Variants in ZNF718 observed in about 807,000 individuals in gnomAD.
ZNF718 encodes zinc finger protein 718.
In ZNF718, 3 loss-of-function variants were observed where a neutral mutation model predicts 2.6. The ratio of observed to expected loss-of-function variants is 1.16; its 90% CI spans 0.53 to 3.01. The LOEUF is 3.01. Ranked by LOEUF, ZNF718 falls within the 30% of genes most tolerant of loss-of-function variation. ZNF718 has a pLI of 0.03. For missense variants in ZNF718, 468 were observed against 230.0 expected, an observed-to-expected ratio of 2.03 and a Z score of -6.69; for synonymous variants, 135 against 77.9, an observed-to-expected ratio of 1.73 and a Z score of -3.86.
chr4:196,327 G>A (rs1055948931), intron 3 of ZNF718, among the ~76,000 whole-genome samples: 1 of 152,190 alleles, frequency 6.6e-6, no homozygotes, highest in African/African-American at 2.4e-5. Flanking sequence ...CATGTCAAGA[G>A]CTGTATGCCT....
chr4:168,730 G>T (rs1342755570), downstream of ZNF718, among the ~76,000 whole-genome samples: 1 of 151,844 alleles, frequency 6.6e-6, no homozygotes, highest in Non-Finnish European at 1.5e-5. Context: ...GCATCTATTT[G>T]ATTCTTCTCT....
intron 3 of ZNF718, among the ~76,000 whole-genome samples, chr4:176,486 T>C (rs1434041863): frequency 6.6e-6 from 1 of 152,202 alleles, no homozygotes; most frequent in East Asian, 1.9e-4. Flanking sequence ...GTGGGTGCTC[T>C]TGACCCAGCA....
intron 3 of ZNF718, among the ~76,000 whole-genome samples, chr4:170,966 T>C (rs1553817853): frequency 6.6e-6 from 1 of 152,130 alleles, no homozygotes. Flanking sequence ...TTTTCCCCCA[T>C]CTTTGTGGTT....
chr4:171,254 C>T (rs1204171707), intron 3 of ZNF718, among the ~76,000 whole-genome samples: 2 of 152,170 alleles, frequency 1.3e-5, no homozygotes, highest in Non-Finnish European at 2.9e-5. Flanking sequence ...TCTACCCCTA[C>T]TGGGGGATGC....
intron 3 of ZNF718, among the ~76,000 whole-genome samples, chr4:157,914 C>T (rs1327041677): frequency 6.6e-6 from 1 of 152,122 alleles, no homozygotes; most frequent in African/African-American, 2.4e-5. Flanking sequence ...TTATTCATTA[C>T]AGAAATTGGG....
downstream of ZNF718, among the ~76,000 whole-genome samples, chr4:167,383 G>GA (rs1190534173): frequency 2.6e-5 from 4 of 152,086 alleles, no homozygotes; most frequent in African/African-American, 9.7e-5. Flanking sequence ...CCAATTCTGT[G>GA]AAAAAAGTCA....
chr4:169,365 G>A (rs1301445936), intron 3 of ZNF718, among the ~76,000 whole-genome samples: 1 of 152,112 alleles, frequency 6.6e-6, no homozygotes. Context: ...TGTCTATTAG[G>A]TCTGCTTGGT....
intron 3 of ZNF718, among the ~76,000 whole-genome samples, chr4:170,933 A>G (rs1295641249): frequency 6.6e-6 from 1 of 151,834 alleles, no homozygotes; most frequent in Non-Finnish European, 1.5e-5. Context: ...TGATTTTTAG[A>G]GTTTCCAGTT....
chr4:173,887 T>A (rs550567266), intron 3 of ZNF718, among the ~76,000 whole-genome samples: 1 of 152,276 alleles, frequency 6.6e-6, no homozygotes, highest in East Asian at 1.9e-4. Flanking sequence ...TATCACCACC[T>A]ACAAGAATGC....
In ZNF718 at chr4:140,254, T is replaced by C. The variant is rs528203707; in HGVS notation, c.226+8749T>C. ...AGGTGCCCACCTAAGGTCAGAGACA[T>C]CTGACACTGAGATCGGATCCACAGG... On this transcript the variant is annotated intron_variant, in intron 3 of 3. Coordinates refer to ENST00000510175, the MANE Select transcript of ZNF718 (RefSeq NM_001039127.6). 3.9e-5 allele frequency among the ~76,000 whole-genome samples: 6 copies of C among 152,260 alleles called. No individual in the cohort carries two copies. The East Asian group carries it at 1.2e-3, about 29-fold the overall frequency.
At chr4:154,898 T>C (rs1191707683) in intron 3 of ZNF718, among the ~76,000 whole-genome samples, 1 of 152,198 alleles carries the variant, frequency 6.6e-6, no homozygotes, top group Non-Finnish European at 1.5e-5. Context: ...GCTTCTCCCA[T>C]CACAGGCCCA....
At chr4:158,298 T>C (rs1404836879) in intron 3 of ZNF718, among the ~76,000 whole-genome samples, 1 of 152,166 alleles carries the variant, frequency 6.6e-6, no homozygotes, top group Non-Finnish European at 1.5e-5. Flanking sequence ...AGGTTGGATC[T>C]TGTTTTTTTA....
chr4:184,425 G>A (rs1344007768), intron 3 of ZNF718, among the ~76,000 whole-genome samples: 3 of 152,084 alleles, frequency 2.0e-5, no homozygotes, highest in Admixed American at 1.3e-4. Context: ...TTTTGTTGAG[G>A]ATTTTTGCAT....
intron 3 of ZNF718, among the ~76,000 whole-genome samples, chr4:191,635 T>C (rs1217781138): frequency 2.6e-5 from 4 of 151,226 alleles, no homozygotes; most frequent in Middle Eastern, 3.4e-3. Flanking sequence ...ACCAGAAAAA[T>C]AAATATAAAT....
rs781888099 is a variant in ZNF718 at position 161,335 on chromosome 4, A to G, written c.650A>G (p.His217Arg). 30 of 780,494 alleles carry G rather than the reference A, an allele frequency of 3.8e-5. No individual in the cohort carries two copies. Among genetic ancestry groups the G allele is most frequent in the Admixed American group, 2.7e-4 (16 of 58,824 alleles). 48.3% of individuals were successfully genotyped at this position (780,494 alleles called of 1,614,324 possible). ...AATTGGTCCTCAATTCTTACTAAACATAAGAGAATTCATGCCAGAGAGAAA... is the reference window on the plus strand; with the variant it reads ...AATTGGTCCTCAATTCTTACTAAACGTAAGAGAATTCATGCCAGAGAGAAA... ...AFNWSSILTKHKRIHAREKFY... is the reference protein window; with the variant it reads ...AFNWSSILTKRKRIHAREKFY... The change falls in exon 4 of 4, where the codon CAT (histidine) becomes CGT (arginine). Residue 217 changes from histidine to arginine, a missense_variant. By Grantham distance (29) the His-to-Arg change is conservative. Coordinates refer to ENST00000510175, the MANE Select transcript of ZNF718 (RefSeq NM_001039127.6).
downstream of ZNF718, among the ~76,000 whole-genome samples, chr4:167,798 C>G (rs1373271859): frequency 6.6e-6 from 1 of 152,116 alleles, no homozygotes; most frequent in Non-Finnish European, 1.5e-5. Flanking sequence ...CATCTGCAAA[C>G]AGGGACAATT....
intron 3 of ZNF718, among the ~76,000 whole-genome samples, chr4:151,339 C>T (rs1553812497): frequency 6.6e-6 from 1 of 152,018 alleles, no homozygotes; most frequent in Non-Finnish European, 1.5e-5. Context: ...CTCCTGAGCT[C>T]AGGCAGTCTG....
At chr4:124,726 G>A (rs1715115162) in intron 1 of ZNF718, 53 bp downstream of exon 1, 2 of 1,601,652 alleles carry the variant, frequency 1.2e-6, no homozygotes, top group Admixed American at 1.7e-5. Flanking sequence ...ATCGGAACCG[G>A]CGGGAAATGG....
At chr4:137,574 G>C (rs1431204145) in intron 3 of ZNF718, among the ~76,000 whole-genome samples, 1 of 151,900 alleles carries the variant, frequency 6.6e-6, no homozygotes, top group African/African-American at 2.4e-5. Flanking sequence ...CCTCATTGTG[G>C]TTTTGCTTTA....
Sources: allele counts gnomAD v4.1 joint callset (sites outside exome capture counted in the v4.1 genomes callset), GRCh38; gene constraint gnomAD v4.1.1; transcripts MANE v1.5; gene names NCBI Gene and HGNC (gene_info 2026-07-23, HGNC 2026-07-21).